Variants in LY86 observed in about 807,000 individuals in gnomAD.
LY86 encodes the protein MD-1, RP105-associated.
A neutral mutation model predicts 17.3 loss-of-function variants in LY86; 20 were observed. The observed-to-expected ratio is 1.15, with a 90% CI of 0.81 to 1.68. The LOEUF is 1.68. LY86 is among the 40% of genes most tolerant of loss of function. The pLI is 0.00. For synonymous variants in LY86, 74 were observed against 70.6 expected (o/e 1.05, Z -0.24); for missense variants, 200 against 191.9 (o/e 1.04, Z -0.25).
chr6:6,614,265 A>T (rs1238105241), intron 1 of LY86, among the ~76,000 whole-genome samples: 2 of 152,216 alleles, frequency 1.3e-5, no homozygotes, highest in Non-Finnish European at 2.9e-5. Context: ...TGACTGCCTT[A>T]CAAACACAGA....
At chr6:6,625,328 C>T (rs188544789) in intron 2 of LY86, among the ~76,000 whole-genome samples, 51 of 152,288 alleles carry the variant, frequency 3.3e-4, no homozygotes, top group Non-Finnish European at 6.2e-4. Flanking sequence ...TTAATGTCTA[C>T]TCAGGATCTC....
chr6:6,632,316 T>G (rs1761908607), intron 3 of LY86, among the ~76,000 whole-genome samples: 1 of 152,204 alleles, frequency 6.6e-6, no homozygotes, highest in Non-Finnish European at 1.5e-5. Context: ...ATGGACAGTC[T>G]GGAGGGCCAT....
intron 4 of LY86, 97 bp from the exon 5 acceptor site, chr6:6,654,447 C>A: frequency 1.1e-6 from 1 of 886,626 alleles, no homozygotes; most frequent in South Asian, 1.5e-5. Flanking sequence ...ATGTCCAGAA[C>A]AGCACCCAGC....
chr6:6,628,095 C>T (rs1581248105), intron 3 of LY86, among the ~76,000 whole-genome samples: 1 of 152,044 alleles, frequency 6.6e-6, no homozygotes, highest in Middle Eastern at 3.4e-3. Flanking sequence ...CCTCTCTCAA[C>T]TTACTGGAGA....
At chr6:6,612,370 G>C (rs1456867377) in intron 1 of LY86, among the ~76,000 whole-genome samples, 1 of 152,188 alleles carries the variant, frequency 6.6e-6, no homozygotes, top group Non-Finnish European at 1.5e-5. Context: ...GATACATTTG[G>C]AGTGTTAATC....
chr6:6,608,531 G>C (rs754763084), intron 1 of LY86, among the ~76,000 whole-genome samples: 15 of 152,116 alleles, frequency 9.9e-5, no homozygotes, highest in African/African-American at 3.6e-4. Context: ...AATGTTTACC[G>C]GCCCAGTCCT....
At chr6:6,595,103 AGAG>A (rs1466505924) in intron 1 of LY86, among the ~76,000 whole-genome samples, 9 of 151,710 alleles carry the variant, frequency 5.9e-5, no homozygotes, top group Admixed American at 5.9e-4. Flanking sequence ...ATGGGGAGGA[AGAG>A]GAGATCAGGA....
In LY86 at chr6:6,649,615, AT is replaced by A; in HGVS notation, c.353-4del. 1 of 1,527,224 alleles carries A rather than the reference AT, an allele frequency of 6.5e-7. No individual in the cohort carries two copies. The highest frequency in any genetic ancestry group is 9.0e-7 in the Non-Finnish European group (1 of 1,111,670). 94.6% of individuals were successfully genotyped at this position (1,527,224 alleles called of 1,614,324 possible). On this transcript the variant is annotated splice_polypyrimidine_tract_variant and intron_variant, in intron 3 of 4. Coordinates refer to ENST00000230568, the MANE Select transcript of LY86 (RefSeq NM_004271.4). ...GAATAACATCATCTATGCTTTATATATTTTTTCAGAGCAGATTTACTATGCT... is the reference window on the plus strand; with the variant it reads ...GAATAACATCATCTATGCTTTATATATTTTTCAGAGCAGATTTACTATGCT...
chr6:6,644,959 C>T (rs1041680680), intron 3 of LY86, among the ~76,000 whole-genome samples: 1 of 151,898 alleles, frequency 6.6e-6, no homozygotes, highest in African/African-American at 2.4e-5. Context: ...CTTCATGAGC[C>T]CCCAAAAAAG....
intron 3 of LY86, among the ~76,000 whole-genome samples, chr6:6,638,541 A>G (rs1581250736): frequency 6.6e-6 from 1 of 152,328 alleles, no homozygotes; most frequent in Non-Finnish European, 1.5e-5. Context: ...TCAAGCTCCT[A>G]ATAGCCACAC....
chr6:6,652,343 C>T (rs1190028281), intron 4 of LY86, among the ~76,000 whole-genome samples: 1 of 152,130 alleles, frequency 6.6e-6, no homozygotes, highest in African/African-American at 2.4e-5. Context: ...AGTTCAAAGA[C>T]TTTTGGTTGT....
At chr6:6,600,395 G>A (rs1370210546) in intron 1 of LY86, among the ~76,000 whole-genome samples, 8 of 151,752 alleles carry the variant, frequency 5.3e-5, no homozygotes, top group Non-Finnish European at 8.8e-5. Flanking sequence ...TTCGAGATCA[G>A]TCGGTCCAAC....
intron 1 of LY86, among the ~76,000 whole-genome samples, chr6:6,597,511 G>A (rs1760751386): frequency 6.6e-6 from 1 of 152,212 alleles, no homozygotes; most frequent in African/African-American, 2.4e-5. Context: ...TTCCTTTCCA[G>A]GGATGCCATG....
chr6:6,588,986 C>A (rs1760443144), intron 1 of LY86, 116 bp downstream of exon 1: 2 of 1,323,974 alleles, frequency 1.5e-6, no homozygotes, highest in Non-Finnish European at 1.0e-6. Context: ...AGCAGCTGAA[C>A]ACTTTCTCCA....
chr6:6,610,714 A>G (rs1414775684), intron 1 of LY86, among the ~76,000 whole-genome samples: 2 of 152,138 alleles, frequency 1.3e-5, no homozygotes, highest in Admixed American at 6.5e-5. Context: ...GTGCATTCTC[A>G]TGTGTGTATT....
intron 4 of LY86, among the ~76,000 whole-genome samples, chr6:6,653,537 C>G (rs544213963): frequency 1.1e-3 from 174 of 152,312 alleles, no homozygotes; most frequent in African/African-American, 3.9e-3. Context: ...GGCTCTTCTA[C>G]AGTCCTCATA....
intron 1 of LY86, among the ~76,000 whole-genome samples, chr6:6,613,724 C>T (rs1309593095): frequency 1.3e-5 from 2 of 152,248 alleles, no homozygotes; most frequent in African/African-American, 4.8e-5. Flanking sequence ...AAGGGCTCCT[C>T]AAGCGCGGCC....
intron 1 of LY86, among the ~76,000 whole-genome samples, chr6:6,611,157 G>A (rs1761321366): frequency 6.6e-6 from 1 of 152,152 alleles, no homozygotes; most frequent in African/African-American, 2.4e-5. Flanking sequence ...TCAAAATGAA[G>A]GTCACAAAAG....
rs200112864 is a variant in LY86 at position 6,607,517 on chromosome 6, A to G, written c.137-17409A>G. 4.6e-5 allele frequency among the ~76,000 whole-genome samples: 7 copies of G among 152,238 alleles called. No individual in the cohort carries two copies. In the East Asian group the frequency reaches 1.3e-3, roughly 29 times the overall value. ...TAAAAACAAAAGAAAAAATTAAAAT[A>G]TTCCAATTAAATCCAAAAGAATGCT... On this transcript the variant is annotated intron_variant, in intron 1 of 4. Coordinates refer to ENST00000230568, the MANE Select transcript of LY86 (RefSeq NM_004271.4).
Sources: allele counts gnomAD v4.1 joint callset (sites outside exome capture counted in the v4.1 genomes callset), GRCh38; gene constraint gnomAD v4.1.1; transcripts MANE v1.5; gene names NCBI Gene and HGNC (gene_info 2026-07-23, HGNC 2026-07-21).